PCDH11X: variants seen among roughly 807,000 people sequenced by gnomAD.
The protein encoded by PCDH11X is protocadherin-11 X-linked.
Under a neutral mutation model 53.3 loss-of-function variants are expected in PCDH11X, and 18 were observed. That is an observed-to-expected ratio of 0.34 (90% CI 0.23 to 0.50). The LOEUF (loss-of-function observed/expected upper bound fraction) is 0.50, where lower values mean the gene tolerates loss of function less well. PCDH11X is among the 20% of genes least tolerant of loss of function. The pLI is 0.98. For missense variants in PCDH11X, 570 were observed against 1,032.4 expected (o/e 0.55, Z 6.14); for synonymous variants, 279 against 393.3 (o/e 0.71, Z 3.44).
At chrX:92,064,808 A>C (rs1296526844) in intron 6 of PCDH11X, among the ~76,000 whole-genome samples, 2 of 106,351 alleles carry the variant, frequency 1.9e-5, no homozygotes, top group Non-Finnish European at 3.8e-5. Flanking sequence ...ATTTCTCTCC[A>C]TGGGGAAATG....
intron 9 of PCDH11X, among the ~76,000 whole-genome samples, chrX:92,394,103 A>G (rs904087168): frequency 9.0e-6 from 1 of 111,310 alleles, no homozygotes; most frequent in South Asian, 3.7e-4. Context: ...TTTGGAGTAT[A>G]TAGGCTTTGT....
intron 8 of PCDH11X, among the ~76,000 whole-genome samples, chrX:92,385,564 G>A (rs1238436908): frequency 9.3e-6 from 1 of 107,643 alleles, no homozygotes; most frequent in Non-Finnish European, 1.9e-5. Context: ...GCTGGGTGAG[G>A]TGGCTCATGC....
intron 1 of PCDH11X, among the ~76,000 whole-genome samples, chrX:91,781,316 G>A (rs988030129): frequency 9.2e-6 from 1 of 108,767 alleles, no homozygotes; most frequent in Admixed American, 9.7e-5. Flanking sequence ...AAGGGGGAGG[G>A]GGGGCAGCAA....
intron 10 of PCDH11X, among the ~76,000 whole-genome samples, chrX:92,550,723 A>G (rs2074938791): frequency 9.1e-6 from 1 of 109,641 alleles, no homozygotes; most frequent in Admixed American, 9.9e-5. Context: ...ATCCCCATCT[A>G]AATCCCACCA....
chrX:92,362,229 G>A (rs1232463079), intron 8 of PCDH11X, among the ~76,000 whole-genome samples: 8 of 107,502 alleles, frequency 7.4e-5, no homozygotes, highest in Non-Finnish European at 1.9e-5. Context: ...TTCTATTGAG[G>A]CTGTACCATT....
intron 8 of PCDH11X, among the ~76,000 whole-genome samples, chrX:92,312,307 C>T (rs1425568568): frequency 1.8e-5 from 2 of 111,140 alleles, no homozygotes; most frequent in African/African-American, 3.3e-5. Context: ...ATTTGAGAGA[C>T]ACTTAATATC....
In PCDH11X at chrX:92,229,810, C is replaced by G. The variant is rs753300287; in HGVS notation, c.3114+28355C>G. Among the ~76,000 whole-genome samples, 56 of 110,871 alleles carry G rather than the reference C, an allele frequency of 5.1e-4. 2 individuals are homozygous for G. Among genetic ancestry groups the G allele is most frequent in the Non-Finnish European group, 1.1e-4 (6 of 52,859 alleles). On this transcript the variant is annotated intron_variant, in intron 7 of 10. Coordinates refer to ENST00000682573, the MANE Select transcript of PCDH11X (RefSeq NM_032968.5). ...AATTTATTTACTTCTGGAAACATGA[C>G]CAAACTTACCAAGCAGCCTAGTTCC... is the stretch of plus-strand genomic sequence containing the variant.
chrX:92,234,263 A>G (rs1203757644), intron 7 of PCDH11X, among the ~76,000 whole-genome samples: 4 of 112,063 alleles, frequency 3.6e-5, no homozygotes, highest in Non-Finnish European at 7.5e-5. Flanking sequence ...GAAGACTCTC[A>G]CTAGTCAGAG....
intron 4 of PCDH11X, 24 bp downstream of exon 4, chrX:91,811,319 T>C (rs746188203): frequency 1.8e-6 from 2 of 1,132,362 alleles, no homozygotes; most frequent in Admixed American, 2.3e-5. Context: ...ATATTAAATA[T>C]CATATACGTC....
intron 8 of PCDH11X, among the ~76,000 whole-genome samples, chrX:92,355,621 A>G (rs1168742261): frequency 9.6e-6 from 1 of 104,123 alleles, no homozygotes; most frequent in African/African-American, 3.5e-5. Flanking sequence ...TATTCACGGT[A>G]GTTTATACTG....
chrX:92,076,933 A>G (rs1183372028), intron 6 of PCDH11X, among the ~76,000 whole-genome samples: 5 of 112,248 alleles, frequency 4.5e-5, no homozygotes, highest in Non-Finnish European at 7.5e-5. Context: ...TGAAGAATGT[A>G]CTTATTTGAT....
intron 6 of PCDH11X, among the ~76,000 whole-genome samples, chrX:92,112,397 C>A (rs1366790705): frequency 9.4e-6 from 1 of 106,625 alleles, no homozygotes; most frequent in African/African-American, 3.4e-5. Context: ...GAAACAAATT[C>A]TTTCCCAAAG....
chrX:92,492,652 A>G (rs751669237), intron 10 of PCDH11X, among the ~76,000 whole-genome samples: 20 of 109,116 alleles, frequency 1.8e-4, no homozygotes, highest in African/African-American at 6.7e-4. Context: ...AATTGTGGGA[A>G]AGTGTGTTTC....
chrX:92,406,292 A>G (rs1454752741), intron 9 of PCDH11X, among the ~76,000 whole-genome samples: 2 of 107,335 alleles, frequency 1.9e-5, no homozygotes, highest in African/African-American at 3.4e-5. Flanking sequence ...AAGAATAGAT[A>G]TATCTCATTA....
At chrX:92,019,512 C>G (rs34684779) in intron 6 of PCDH11X, among the ~76,000 whole-genome samples, 1 of 111,898 alleles carries the variant, frequency 8.9e-6, no homozygotes, top group African/African-American at 3.2e-5. Flanking sequence ...TAACCACTCT[C>G]TTGGACCATA....
chrX:92,375,467 C>T (rs1321566805), intron 8 of PCDH11X, among the ~76,000 whole-genome samples: 1 of 100,979 alleles, frequency 9.9e-6, no homozygotes, highest in Non-Finnish European at 2.0e-5. Flanking sequence ...TGTGAGCCAC[C>T]GAACCTGGCC....
intron 9 of PCDH11X, among the ~76,000 whole-genome samples, chrX:92,429,224 T>C (rs1206486299): frequency 1.8e-5 from 2 of 110,942 alleles, no homozygotes; most frequent in East Asian, 5.7e-4. Flanking sequence ...TCCAACAGTA[T>C]TTGAAAATAA....
chrX:92,246,762 A>T (rs1275630081), intron 7 of PCDH11X, among the ~76,000 whole-genome samples: 1 of 112,292 alleles, frequency 8.9e-6, no homozygotes, highest in African/African-American at 3.2e-5. Flanking sequence ...ATGATAAAAT[A>T]TTTAAAAATA....
chrX:92,549,747 G>A (rs1205475743), intron 10 of PCDH11X, among the ~76,000 whole-genome samples: 2 of 109,854 alleles, frequency 1.8e-5, no homozygotes, highest in African/African-American at 3.3e-5. Context: ...TCATCTCACT[G>A]AAATATACAT....
Sources: allele counts gnomAD v4.1 joint callset (sites outside exome capture counted in the v4.1 genomes callset), GRCh38; gene constraint gnomAD v4.1.1; transcripts MANE v1.5; gene names NCBI Gene and HGNC (gene_info 2026-07-23, HGNC 2026-07-21).